The following CCDC85A variants were observed in gnomAD, a reference collection of about 807,000 sequenced individuals.
The protein encoded by CCDC85A is coiled-coil domain-containing protein 85A.
A neutral mutation model predicts 50.2 loss-of-function variants in CCDC85A; 38 were observed. The observed-to-expected ratio is 0.76, with a 90% CI of 0.58 to 0.99. The LOEUF is 0.99. Ranked by LOEUF, CCDC85A falls within the 50% of genes least tolerant of loss-of-function variation. The pLI is 0.00. For synonymous variants in CCDC85A, 366 were observed against 301.4 expected, an observed-to-expected ratio of 1.21 and a Z score of -2.22; for missense variants, 820 against 742.0, an observed-to-expected ratio of 1.11 and a Z score of -1.22.
At chr2:56,251,118 C>A (rs1669734785) in intron 2 of CCDC85A, among the ~76,000 whole-genome samples, 1 of 152,146 alleles carries the variant, frequency 6.6e-6, no homozygotes, top group Non-Finnish European at 1.5e-5. Flanking sequence ...GAGGTATCTC[C>A]TGGGATCTAT....
Position 56,184,421 on chromosome 2 carries a change from G to A in CCDC85A, c.-204G>A, listed in dbSNP as rs1675901058. On this transcript the variant is annotated 5_prime_UTR_variant, in exon 1 of 6. Coordinates refer to ENST00000407595, the MANE Select transcript of CCDC85A (RefSeq NM_001080433.2). ...AAGCGGCTGGCTGCCGGGCCCTGGG[G>A]GAGCGCGGGCGCGCGCGCGGGGATG... 1 of 557,894 alleles carries A rather than the reference G, an allele frequency of 1.8e-6. No individual in the cohort carries two copies. 34.6% of individuals were successfully genotyped at this position (557,894 alleles called of 1,614,324 possible).
At chr2:56,224,410 G>A (rs1668457678) in intron 2 of CCDC85A, among the ~76,000 whole-genome samples, 1 of 152,130 alleles carries the variant, frequency 6.6e-6, no homozygotes, top group South Asian at 2.1e-4. Context: ...TATGAATATT[G>A]CTATTACACA....
intron 2 of CCDC85A, among the ~76,000 whole-genome samples, chr2:56,254,815 A>G (rs1669912740): frequency 6.6e-6 from 1 of 152,232 alleles, no homozygotes; most frequent in Admixed American, 6.5e-5. Context: ...GAAGAATAGT[A>G]TCACTTGGGC....
At chr2:56,208,458 G>A (rs77098554) in intron 2 of CCDC85A, among the ~76,000 whole-genome samples, 3 of 152,222 alleles carry the variant, frequency 2.0e-5, no homozygotes, top group Non-Finnish European at 4.4e-5. Flanking sequence ...GTATTTTGAA[G>A]TAGTGGTATA....
intron 2 of CCDC85A, among the ~76,000 whole-genome samples, chr2:56,282,001 T>C (rs368143715): frequency 2.6e-5 from 4 of 152,196 alleles, no homozygotes; most frequent in African/African-American, 7.2e-5. Context: ...CTTTGCATAC[T>C]CTAAGATTGC....
rs902708573 is a variant in CCDC85A, at chr2:56,262,808, C to T, written c.1240+69368C>T. On this transcript the variant is annotated intron_variant, in intron 2 of 5. Transcript: ENST00000407595. ...ATAGAGAATGTTCATATGATGCCAG[C>T]ACAGCAGTTCACATATAGAAAATAC... 4.6e-5 allele frequency among the ~76,000 whole-genome samples: 7 copies of T among 152,170 alleles called. 1 individual carries two copies. Among genetic ancestry groups the T allele is most frequent in the African/African-American group, 1.2e-4 (5 of 41,422 alleles).
At chr2:56,363,103 T>C (rs1478275197) in intron 3 of CCDC85A, among the ~76,000 whole-genome samples, 1 of 152,200 alleles carries the variant, frequency 6.6e-6, no homozygotes, top group Non-Finnish European at 1.5e-5. Context: ...TTGTTTTCCA[T>C]CGTATTTTTT....
chr2:56,384,246 T>C lies in CCDC85A; in HGVS notation c.1573-20T>C. 1 of 1,601,756 alleles carries C rather than the reference T, an allele frequency of 6.2e-7. No homozygotes were observed. Among genetic ancestry groups the C allele is most frequent in the Non-Finnish European group, 8.5e-7 (1 of 1,170,430 alleles). On this transcript the variant is annotated intron_variant, in intron 5 of 5. Coordinates refer to ENST00000407595, the MANE Select transcript of CCDC85A (RefSeq NM_001080433.2). ...GAAAGAGGAAAAGTAAGATACTCAC[T>C]CCTTCTTTTTTTTTTTAAGGTTGTG...
intron 2 of CCDC85A, among the ~76,000 whole-genome samples, chr2:56,288,900 A>G (rs970618843): frequency 1.3e-5 from 2 of 152,332 alleles, no homozygotes; most frequent in East Asian, 1.9e-4. Context: ...TGCTCTCTGC[A>G]GTGAAGTGAT....
chr2:56,356,263 C>G (rs965493439), intron 3 of CCDC85A, among the ~76,000 whole-genome samples: 1 of 152,192 alleles, frequency 6.6e-6, no homozygotes, highest in African/African-American at 2.4e-5. Context: ...TGAAATATTT[C>G]TCACAAAGAG....
intron 3 of CCDC85A, among the ~76,000 whole-genome samples, chr2:56,346,313 C>G (rs764204865): frequency 1.3e-5 from 2 of 152,138 alleles, no homozygotes; most frequent in Non-Finnish European, 2.9e-5. Flanking sequence ...TGAAGGGGTT[C>G]TTCTCAGCTC....
At chr2:56,368,028 G>A (rs1675890833) in intron 3 of CCDC85A, among the ~76,000 whole-genome samples, 1 of 151,926 alleles carries the variant, frequency 6.6e-6, no homozygotes, top group South Asian at 2.1e-4. Flanking sequence ...CTGCGACCCT[G>A]GAGTCTGTGA....
intron 2 of CCDC85A, among the ~76,000 whole-genome samples, chr2:56,203,031 G>A (rs1349177333): frequency 6.6e-6 from 1 of 152,186 alleles, no homozygotes; most frequent in Non-Finnish European, 1.5e-5. Flanking sequence ...TGAGGGGGAT[G>A]CTGTGAAGAA....
chr2:56,230,966 A>G (rs1573063655), intron 2 of CCDC85A, among the ~76,000 whole-genome samples: 1 of 152,210 alleles, frequency 6.6e-6, no homozygotes. Context: ...GCTGCAAAGT[A>G]TGATCCACAT....
chr2:56,256,494 A>G lies in CCDC85A; in HGVS notation c.1240+63054A>G, dbSNP rs80322945. ...CTGTGAATTACCTAAAGAAAATTCAATTATAAAGTAGTTCACTAAAATAGC... is the reference window on the plus strand; with the variant it reads ...CTGTGAATTACCTAAAGAAAATTCAGTTATAAAGTAGTTCACTAAAATAGC... On this transcript the variant is annotated intron_variant, in intron 2 of 5. Transcript: ENST00000407595. Among the ~76,000 whole-genome samples the G allele has an allele frequency of 2.8e-3, 426 of 152,342 alleles. 1 individual carries two copies. The highest frequency in any genetic ancestry group is 9.5e-3 in the African/African-American group (396 of 41,580).
At chr2:56,354,044 C>A (rs1279999245) in intron 3 of CCDC85A, among the ~76,000 whole-genome samples, 1 of 152,136 alleles carries the variant, frequency 6.6e-6, no homozygotes, top group African/African-American at 2.4e-5. Context: ...AAAGGGACCA[C>A]ATGTTATCTC....
intron 2 of CCDC85A, among the ~76,000 whole-genome samples, chr2:56,223,079 C>T (rs186166511): frequency 8.7e-4 from 132 of 152,170 alleles, no homozygotes; most frequent in African/African-American, 3.1e-3. Flanking sequence ...ACCTTAAAGA[C>T]AGTAGTCCAC....
chr2:56,263,279 G>C (rs1030345373), intron 2 of CCDC85A, among the ~76,000 whole-genome samples: 6 of 152,198 alleles, frequency 3.9e-5, no homozygotes, highest in African/African-American at 1.4e-4. Flanking sequence ...CATTCAAAGA[G>C]ATCTTCTAGA....
chr2:56,308,460 C>T (rs1225551388), intron 2 of CCDC85A, among the ~76,000 whole-genome samples: 1 of 152,142 alleles, frequency 6.6e-6, no homozygotes, highest in Non-Finnish European at 1.5e-5. Flanking sequence ...GATGAGCTTT[C>T]TTTTGGATTC....
Sources: gnomAD v4.1 joint callset for allele counts (sites outside exome capture counted in the v4.1 genomes callset) on GRCh38, gnomAD v4.1.1 for gene constraint, MANE v1.5 for transcripts, NCBI Gene and HGNC (gene_info 2026-07-23, HGNC 2026-07-21) for gene names.